Variants in CSTL1 observed in about 807,000 individuals in gnomAD.
The protein encoded by CSTL1 is cystatin-like 1.
A neutral mutation model predicts 14.4 loss-of-function variants in CSTL1; 14 were observed. The ratio of observed to expected loss-of-function variants is 0.97; its 90% confidence interval spans 0.64 to 1.52. CSTL1 has a LOEUF of 1.52. CSTL1 is among the 40% of genes most tolerant of loss of function. The probability of loss-of-function intolerance (pLI) is 0.00; values close to 1 mark genes in which losing one functional copy is unlikely to be tolerated. For missense variants in CSTL1, 170 were observed against 168.7 expected, an observed-to-expected ratio of 1.01 and a Z score of -0.04; for synonymous variants, 72 against 67.5, an observed-to-expected ratio of 1.07 and a Z score of -0.33.
chr20:23,460,695 G>A, the CSTL1 span, among the ~76,000 whole-genome samples: 3 of 152,044 alleles, frequency 2.0e-5, no homozygotes, highest in African/African-American at 7.2e-5. Flanking sequence ...ATAAACAAAA[G>A]GCACACAAAA....
intron 3 of CSTL1, among the ~76,000 whole-genome samples, chr20:23,444,359 T>C (rs1986917891): frequency 6.6e-6 from 1 of 152,254 alleles, no homozygotes; most frequent in Non-Finnish European, 1.5e-5. Context: ...TCCAGGTCTC[T>C]AAGGTTGTCC....
chr20:23,447,183 CTT>C (rs1568636657), downstream of CSTL1, among the ~76,000 whole-genome samples: 2 of 152,218 alleles, frequency 1.3e-5, no homozygotes, highest in East Asian at 3.8e-4. Context: ...AACATCCTAA[CTT>C]AACACAGCTT....
the CSTL1 span, among the ~76,000 whole-genome samples, chr20:23,454,840 C>G: frequency 6.6e-6 from 1 of 152,180 alleles, no homozygotes; most frequent in African/African-American, 2.4e-5. Context: ...TTTTATTTTC[C>G]TCAGTAACAG....
Position 23,444,917 on chromosome 20 carries a change from A to G in CSTL1, c.*39A>G. ...TGAGTTGTGCACTGGCTGTTATTAAACTGTAAAGGATCATGTCTCCCTCAT... is the reference window on the plus strand; with the variant it reads ...TGAGTTGTGCACTGGCTGTTATTAAGCTGTAAAGGATCATGTCTCCCTCAT... On this transcript the variant is annotated 3_prime_UTR_variant, in exon 4 of 4. Coordinates refer to ENST00000347397, the MANE Select transcript of CSTL1 (RefSeq NM_138283.1). 7.5e-7 allele frequency: 1 copy of G among 1,340,544 alleles called. No homozygotes were observed. The highest frequency in any genetic ancestry group is 1.1e-6 in the Non-Finnish European group (1 of 930,834). The allele number at this position is 1,340,544 out of a possible 1,614,324, so 83.0% of individuals were successfully genotyped here.
In CSTL1 at chr20:23,444,913, TTAAACTG is replaced by T; in HGVS notation, c.*40_*46del. ...TGATTGAGTTGTGCACTGGCTGTTA[TTAAACTG>T]TAAAGGATCATGTCTCCCTCATTGG... On this transcript the variant is annotated 3_prime_UTR_variant, in exon 4 of 4. Transcript: ENST00000347397. 1 of 1,385,034 alleles carries T rather than the reference TTAAACTG, an allele frequency of 7.2e-7. No individual in the cohort carries two copies. Among genetic ancestry groups the T allele is most frequent in the Non-Finnish European group, 1.0e-6 (1 of 971,206 alleles). The allele number at this position is 1,385,034 out of a possible 1,614,324, so 85.8% of individuals were successfully genotyped here. A position where few individuals can be genotyped will look rare whatever the true frequency, so the allele number is the denominator to read the frequency against.
Position 23,440,263 on chromosome 20 carries a change from T to C in CSTL1, c.-5T>C, listed in dbSNP as rs1237548147. The C allele has an allele frequency of 9.3e-6, 15 of 1,613,802 alleles. No individual in the cohort carries two copies. The highest frequency in any genetic ancestry group is 2.7e-5 in the African/African-American group (2 of 74,904). On this transcript the variant is annotated 5_prime_UTR_variant, in exon 2 of 4. The change abolishes the stop of an existing upstream ORF in the 5' untranslated region. Coordinates refer to ENST00000347397, the MANE Select transcript of CSTL1 (RefSeq NM_138283.1). ...GTTGGGAAGAAAGTTTCTGAGGCTG[T>C]AGACATGGGGATCGGATGCTGGAGA...
chr20:23,452,600 A>C, the CSTL1 span: 3 of 1,612,022 alleles, frequency 1.9e-6, no homozygotes, highest in African/African-American at 4.0e-5. Flanking sequence ...CTGGACTTTA[A>C]GGACTCGGAA....
At chr20:23,459,867 C>T in the CSTL1 span, among the ~76,000 whole-genome samples, 4 of 152,226 alleles carry the variant, frequency 2.6e-5, no homozygotes, top group African/African-American at 7.2e-5. Flanking sequence ...CATCCAGACT[C>T]CTGTAATATC....
chr20:23,447,688 T>C (rs1986995946), downstream of CSTL1, among the ~76,000 whole-genome samples: 1 of 152,132 alleles, frequency 6.6e-6, no homozygotes, highest in Admixed American at 6.5e-5. Flanking sequence ...CTCAAACACC[T>C]GACCTCAGGC....
intron 3 of CSTL1, among the ~76,000 whole-genome samples, chr20:23,444,350 C>T (rs1404980242): frequency 6.6e-6 from 1 of 152,248 alleles, no homozygotes; most frequent in Non-Finnish European, 1.5e-5. Flanking sequence ...TTCTCCCTCT[C>T]CAGGTCTCTA....
the CSTL1 span, among the ~76,000 whole-genome samples, chr20:23,452,202 C>T: frequency 7.0e-4 from 106 of 152,120 alleles, no homozygotes; most frequent in African/African-American, 2.2e-3. Flanking sequence ...AAACTTTTTC[C>T]GTAAAGGGCT....
rs1479483524 is a variant in CSTL1, at chr20:23,440,359, T to G, written c.92T>G (p.Phe31Cys). Residue 31 changes from phenylalanine to cysteine, a missense_variant, in exon 2 of 4, where the codon TTC (phenylalanine) becomes TGC (cysteine). Physicochemically the swap from Phe to Cys is radical, Grantham distance 205. Transcript: ENST00000347397. ...GGTCACTTCCAAAGGTGGGAGGGCT[T>G]CCAGCAGAAGCTCATGAGCAAGAAG... ...KLGHFQRWEG[F>C]QQKLMSKKNM... 6.2e-7 allele frequency: 1 copy of G among 1,614,110 alleles called. No homozygotes were observed. Among genetic ancestry groups the G allele is most frequent in the Non-Finnish European group, 8.5e-7 (1 of 1,180,050 alleles).
the CSTL1 span, chr20:23,452,656 G>T: frequency 6.2e-6 from 10 of 1,613,898 alleles, no homozygotes; most frequent in African/African-American, 1.3e-5. Context: ...TATACTGGTC[G>T]GTGATCCACT....
At chr20:23,450,323 G>A in the CSTL1 span, 1 of 468,886 alleles carries the variant, frequency 2.1e-6, no homozygotes, top group South Asian at 4.8e-5. Context: ...AAACTGCCCT[G>A]GCCCAGCAGA....
the CSTL1 span, among the ~76,000 whole-genome samples, chr20:23,458,249 T>C: frequency 6.6e-6 from 1 of 152,174 alleles, no homozygotes; most frequent in Admixed American, 6.5e-5. Context: ...GACTGCAGTT[T>C]GTATATATTT....
chr20:23,452,595 C>T, the CSTL1 span: 18 of 1,611,562 alleles, frequency 1.1e-5, no homozygotes, highest in Non-Finnish European at 1.4e-5. Flanking sequence ...TGCCTCTGGA[C>T]TTTAAGGACT....
At position 23,443,944 on chromosome 20, in the gene CSTL1, G is replaced by A; in HGVS notation, c.230G>A (p.Gly77Glu). Residue 77 changes from glycine to glutamate, a missense_variant, in exon 3 of 4, where the codon GGA (glycine) becomes GAA (glutamate). Transcript: ENST00000347397. ...ACTGATTCTCGGCAGCTGACGACGG[G>A]AGTGGAGTATATAGTCACTGTGAAG... ...LIRSQMQLTT[G>E]VEYIVTVKIG... 1 of 1,613,742 alleles carries A rather than the reference G, an allele frequency of 6.2e-7. No individual in the cohort carries two copies. The highest frequency in any genetic ancestry group is 1.3e-5 in the African/African-American group (1 of 75,032).
At chr20:23,443,391 G>T (rs546902915) in intron 2 of CSTL1, among the ~76,000 whole-genome samples, 1 of 152,224 alleles carries the variant, frequency 6.6e-6, no homozygotes, top group African/African-American at 2.4e-5. Flanking sequence ...TTTGTAGTTT[G>T]TAAGTGAAAA....
chr20:23,460,032 A>G, the CSTL1 span, among the ~76,000 whole-genome samples: 11 of 152,340 alleles, frequency 7.2e-5, no homozygotes, highest in African/African-American at 2.4e-4. Context: ...ACTTCTGTTT[A>G]TACTTCCCCA....
Sources: allele counts gnomAD v4.1 joint callset (sites outside exome capture counted in the v4.1 genomes callset), GRCh38; gene constraint gnomAD v4.1.1; transcripts MANE v1.5; gene names NCBI Gene and HGNC (gene_info 2026-07-23, HGNC 2026-07-21).